TMEM65: variants seen among roughly 807,000 people sequenced by gnomAD.
The protein encoded by TMEM65 is transmembrane protein 65.
Under a neutral mutation model 25.4 loss-of-function variants are expected in TMEM65, and 22 were observed. That is an observed-to-expected ratio of 0.86 (90% CI 0.62 to 1.23). The LOEUF is 1.23. Ranked by LOEUF, TMEM65 falls within the 50% of genes most tolerant of loss-of-function variation. TMEM65 has a pLI of 0.00. For synonymous variants in TMEM65, 132 were observed against 126.2 expected, an observed-to-expected ratio of 1.05 and a Z score of -0.31; for missense variants, 262 against 308.2, an observed-to-expected ratio of 0.85 and a Z score of 1.12.
rs1170580679 is a variant in TMEM65, at chr8:124,341,518, AC to A, written c.305-10727del. 8.5e-5 allele frequency among the ~76,000 whole-genome samples: 13 copies of A among 152,112 alleles called. No individual in the cohort carries two copies. The East Asian group carries it at 2.5e-3, about 29-fold the overall frequency. ...AGGAAATTGTGAAAAGTTTTTCTTTACCTTTTAGGTAATTGATCTAGGAAAC... is the reference window on the plus strand; with the variant it reads ...AGGAAATTGTGAAAAGTTTTTCTTTACTTTTAGGTAATTGATCTAGGAAAC... On this transcript the variant is annotated intron_variant, in intron 1 of 6. Coordinates refer to ENST00000297632, the MANE Select transcript of TMEM65 (RefSeq NM_194291.3).
At chr8:124,355,853 T>C (rs1408447424) in intron 1 of TMEM65, among the ~76,000 whole-genome samples, 1 of 152,090 alleles carries the variant, frequency 6.6e-6, no homozygotes, top group African/African-American at 2.4e-5. Context: ...AGCTAAATAG[T>C]AGGTGAACAG....
intron 1 of TMEM65, among the ~76,000 whole-genome samples, chr8:124,333,868 G>A (rs557342834): frequency 3.3e-5 from 5 of 152,302 alleles, no homozygotes; most frequent in Admixed American, 2.0e-4. Context: ...CTCAGTCTCT[G>A]TCTGAAGAAC....
Position 124,327,900 on chromosome 8 carries a change from T to A in TMEM65, c.350-479A>T, listed in dbSNP as rs571682181. ...AAGTTATTTGGGTGCTTTTACTAAC[T>A]AATTTTTTTAAAGAAATGTTAGAAA... On this transcript the variant is annotated intron_variant, in intron 2 of 6. Coordinates refer to ENST00000297632, the MANE Select transcript of TMEM65 (RefSeq NM_194291.3). Among the ~76,000 whole-genome samples, 8 of 152,288 alleles carry A rather than the reference T, an allele frequency of 5.3e-5. No homozygotes were observed. The South Asian group carries it at 1.7e-3, about 32-fold the overall frequency.
intron 1 of TMEM65, chr8:124,351,021 G>GT: frequency 1.0e-6 from 1 of 985,088 alleles, no homozygotes; most frequent in Non-Finnish European, 1.2e-6. Flanking sequence ...AATCAACACT[G>GT]TAAGACTGTA....
intron 1 of TMEM65, among the ~76,000 whole-genome samples, chr8:124,351,383 G>GTT (rs1814705889): frequency 6.6e-6 from 1 of 151,990 alleles, no homozygotes; most frequent in African/African-American, 2.4e-5. Flanking sequence ...TTATTGACAG[G>GTT]TATAAATGTA....
chr8:124,332,678 G>A lies in TMEM65; in HGVS notation c.305-1886C>T, dbSNP rs1814446605. On this transcript the variant is annotated intron_variant, in intron 1 of 6. Coordinates refer to ENST00000297632, the MANE Select transcript of TMEM65 (RefSeq NM_194291.3). ...GAAAACTACTGGCACAGAGGTGAAA[G>A]TAAAATCAAAACACAGATTCTGCCT... Among the ~76,000 whole-genome samples, 3 of 152,038 alleles carry A rather than the reference G, an allele frequency of 2.0e-5. No homozygotes were observed. The South Asian group carries it at 6.2e-4, about 32-fold the overall frequency.
rs1814958122 is a variant in TMEM65 at position 124,367,776 on chromosome 8, T to TG, written c.304+4077_304+4078insC. Among the ~76,000 whole-genome samples, 4 of 152,312 alleles carry TG rather than the reference T, an allele frequency of 2.6e-5. No individual in the cohort carries two copies. In the South Asian group the frequency reaches 8.3e-4, roughly 32 times the overall value. ...GGGACTACAAGATTAAAGTTTAGAA[T>TG]TATTTGGTTAATGTATACAGACGTA... On this transcript the variant is annotated intron_variant, in intron 1 of 6. Coordinates refer to ENST00000297632, the MANE Select transcript of TMEM65 (RefSeq NM_194291.3).
intron 1 of TMEM65, among the ~76,000 whole-genome samples, chr8:124,339,565 T>A (rs1007588884): frequency 6.6e-6 from 1 of 151,950 alleles, no homozygotes; most frequent in African/African-American, 2.4e-5. Context: ...AAGTGAGATC[T>A]GAAGTATACC....
intron 1 of TMEM65, among the ~76,000 whole-genome samples, chr8:124,338,498 T>G (rs1014723613): frequency 3.3e-5 from 5 of 152,126 alleles, no homozygotes; most frequent in Non-Finnish European, 7.4e-5. Context: ...TTTTATTTTT[T>G]TAATGTTACA....
intron 1 of TMEM65, among the ~76,000 whole-genome samples, chr8:124,367,677 A>G (rs1814956157): frequency 6.6e-6 from 1 of 152,186 alleles, no homozygotes; most frequent in African/African-American, 2.4e-5. Context: ...CATTTTGTCA[A>G]CGTCCTCTTA....
At chr8:124,350,661 T>C (rs771203775) in intron 1 of TMEM65, among the ~76,000 whole-genome samples, 13 of 152,136 alleles carry the variant, frequency 8.5e-5, no homozygotes, top group Non-Finnish European at 1.0e-4. Context: ...TCCTGAAGTT[T>C]AGTCATTGTA....
intron 1 of TMEM65, among the ~76,000 whole-genome samples, chr8:124,363,505 G>A (rs1032325507): frequency 6.6e-6 from 1 of 152,066 alleles, no homozygotes; most frequent in Non-Finnish European, 1.5e-5. Context: ...CAACCAAGCA[G>A]CCTGTTCATT....
In TMEM65 at chr8:124,313,106, T is replaced by C. The variant is rs192723953; in HGVS notation, c.*854A>G. 3 of 152,010 alleles carry C rather than the reference T, an allele frequency of 2.0e-5. No homozygotes were observed. Among genetic ancestry groups the C allele is most frequent in the African/African-American group, 7.2e-5 (3 of 41,532 alleles). 9.4% of individuals were successfully genotyped at this position (152,010 alleles called of 1,614,324 possible). On this transcript the variant is annotated 3_prime_UTR_variant, in exon 7 of 7. Coordinates refer to ENST00000297632, the MANE Select transcript of TMEM65 (RefSeq NM_194291.3). ...TTTCCACCTTTTTTTAAAAAAAGCT[T>C]TAGTCTCTTAATTTCCAAGCATCAT...
At chr8:124,330,679 A>G (rs1814420853) in intron 2 of TMEM65, 69 bp downstream of exon 2, 1 of 1,430,228 alleles carries the variant, frequency 7.0e-7, no homozygotes, top group African/African-American at 1.4e-5. Flanking sequence ...TGTGCTATCA[A>G]TGAATGATAC....
intron 1 of TMEM65, chr8:124,351,014 C>T: frequency 1.0e-6 from 1 of 985,148 alleles, no homozygotes; most frequent in Non-Finnish European, 1.2e-6. Flanking sequence ...TACTTGCAAT[C>T]AACACTGTAA....
Position 124,372,115 on chromosome 8 carries a change from T to G in TMEM65, c.43A>C (p.Ser15Arg), listed in dbSNP as rs902717110. ...LPLLRSRTAR[S>R]LRPGPAAAAA... The stretch of plus-strand genomic sequence containing the variant: ...GCGGCGGCCGGGCCCGGCCTCAGGC[T>G]GCGCGCGGTCCGGCTCCTCAGCAGC... The change falls in exon 1 of 7, where the codon AGC becomes CGC. Residue 15 changes from serine to arginine, a missense_variant. Coordinates refer to ENST00000297632, the MANE Select transcript of TMEM65 (RefSeq NM_194291.3). 8.9e-6 allele frequency: 10 copies of G among 1,120,138 alleles called. No homozygotes were observed. The highest frequency in any genetic ancestry group is 1.1e-5 in the Non-Finnish European group (10 of 914,616). The allele number at this position is 1,120,138 out of a possible 1,614,324, so 69.4% of individuals were successfully genotyped here.
rs376920301 is a variant in TMEM65 at position 124,346,430 on chromosome 8, A to AT, written c.305-15639dup. Reference sequence around the variant, plus strand: ...AAGAAAGAGTCTTATTTCCTAGTCTATTTTTTTTATTATGCTTTCATGGAA... The same window carrying AT: ...AAGAAAGAGTCTTATTTCCTAGTCTATTTTTTTTTATTATGCTTTCATGGAA... On this transcript the variant is annotated intron_variant, in intron 1 of 6. Transcript: ENST00000297632. 2.3e-3 allele frequency among the ~76,000 whole-genome samples: 350 copies of AT among 152,068 alleles called. 1 individual carries two copies. Among genetic ancestry groups the AT allele is most frequent in the African/African-American group, 7.2e-3 (298 of 41,496 alleles).
chr8:124,317,238 C>A (rs763284405), intron 6 of TMEM65, among the ~76,000 whole-genome samples: 54 of 151,842 alleles, frequency 3.6e-4, no homozygotes, highest in Non-Finnish European at 1.5e-4. Context: ...ATATTTTATT[C>A]TTCTTCTTCA....
Position 124,372,296 on chromosome 8 carries a change from A to G in TMEM65, c.-139T>C, listed in dbSNP as rs1445911252. ...GCAGCCGAGGCGCCGGGCACCATGC[A>G]CTCCGCGGGCCCGCGCGGCTCTCGC... On this transcript the variant is annotated 5_prime_UTR_variant, in exon 1 of 7. Transcript: ENST00000297632. 2.0e-5 allele frequency: 15 copies of G among 745,470 alleles called. No homozygotes were observed. In the South Asian group the frequency reaches 4.7e-4, roughly 23 times the overall value. The allele number at this position is 745,470 out of a possible 1,614,324, so 46.2% of individuals were successfully genotyped here.
Sources: allele counts gnomAD v4.1 joint callset (sites outside exome capture counted in the v4.1 genomes callset), GRCh38; gene constraint gnomAD v4.1.1; transcripts MANE v1.5; gene names NCBI Gene and HGNC (gene_info 2026-07-23, HGNC 2026-07-21).